Variants in MARCHF1 observed in about 807,000 individuals in gnomAD.
MARCHF1 encodes the protein membrane associated ring-CH-type finger 1, also known as E3 ubiquitin-protein ligase MARCHF1.
In MARCHF1, 40 loss-of-function variants were observed where a neutral mutation model predicts 54.2. The ratio of observed to expected loss-of-function variants is 0.74; its 90% CI spans 0.57 to 0.96. The LOEUF is 0.96. MARCHF1 is among the 40% of genes least tolerant of loss of function. The pLI is 0.00. For missense variants in MARCHF1, 586 were observed against 656.5 expected (o/e 0.89, Z 1.17); for synonymous variants, 236 against 236.3 (o/e 1.00, Z 0.01).
chr4:163,847,936 G>A (rs956136009), intron 4 of MARCHF1, among the ~76,000 whole-genome samples: 3 of 152,014 alleles, frequency 2.0e-5, no homozygotes, highest in African/African-American at 4.8e-5. Context: ...CTTATAATGC[G>A]TGTTGTGTAT....
At chr4:163,778,775 C>T (rs560635206) in intron 4 of MARCHF1, among the ~76,000 whole-genome samples, 27 of 152,190 alleles carry the variant, frequency 1.8e-4, no homozygotes, top group Non-Finnish European at 3.7e-4. Context: ...CATGTTCTCA[C>T]TTACAAGTGG....
chr4:164,198,525 C>T (rs1327791548), intron 1 of MARCHF1, among the ~76,000 whole-genome samples: 1 of 152,178 alleles, frequency 6.6e-6, no homozygotes, highest in East Asian at 1.9e-4. Context: ...AGTCCTATGT[C>T]CCACATTGAC....
chr4:164,233,691 A>G (rs572853964), intron 1 of MARCHF1, among the ~76,000 whole-genome samples: 175 of 151,968 alleles, frequency 1.2e-3, no homozygotes, highest in African/African-American at 4.1e-3. Context: ...AAGATGGCCC[A>G]TTTTTTCTGC....
At chr4:164,105,805 A>C (rs936358141) in intron 2 of MARCHF1, among the ~76,000 whole-genome samples, 1 of 136,514 alleles carries the variant, frequency 7.3e-6, no homozygotes, top group Admixed American at 7.3e-5. Context: ...CAGCAAAAGA[A>C]ACTACCATCA....
At chr4:164,189,081 C>T in intron 1 of MARCHF1, 1 of 688,810 alleles carries the variant, frequency 1.5e-6, no homozygotes, top group South Asian at 1.6e-5. Context: ...CGTCTCCTCT[C>T]ACCATTGACA....
At chr4:164,147,882 C>T (rs1729806442) in intron 1 of MARCHF1, among the ~76,000 whole-genome samples, 1 of 150,364 alleles carries the variant, frequency 6.7e-6, no homozygotes, top group Non-Finnish European at 1.5e-5. Flanking sequence ...AAAAAAATTA[C>T]ATATGTTATT....
chr4:164,136,233 A>G (rs1756399207), intron 1 of MARCHF1, among the ~76,000 whole-genome samples: 1 of 146,784 alleles, frequency 6.8e-6, no homozygotes, highest in Non-Finnish European at 1.5e-5. Context: ...GTAGGAGTCT[A>G]GGAGTCCAAT....
At chr4:163,680,944 A>T (rs1744081763) in intron 5 of MARCHF1, among the ~76,000 whole-genome samples, 1 of 151,398 alleles carries the variant, frequency 6.6e-6, no homozygotes, top group African/African-American at 2.4e-5. Flanking sequence ...TAATACATAC[A>T]TACATACACA....
intron 1 of MARCHF1, among the ~76,000 whole-genome samples, chr4:164,197,910 A>C (rs567198078): frequency 1.8e-4 from 27 of 152,264 alleles, no homozygotes; most frequent in Non-Finnish European, 3.7e-4. Flanking sequence ...AAGTATATGG[A>C]TCTTCCTAGT....
intron 1 of MARCHF1, among the ~76,000 whole-genome samples, chr4:164,276,934 C>CTATATA (rs373542049): frequency 0.023 from 2,681 of 115,122 alleles, 91 homozygotes; most frequent in African/African-American, 0.071. Flanking sequence ...GTCTCATATT[C>CTATATA]TATATATATA....
intron 1 of MARCHF1, among the ~76,000 whole-genome samples, chr4:164,255,997 G>GA (rs1044469461): frequency 6.6e-6 from 1 of 151,684 alleles, no homozygotes; most frequent in African/African-American, 2.4e-5. Context: ...ACATTCACAA[G>GA]AAAAAAATGT....
At chr4:163,848,894 A>T (rs1749566428) in intron 4 of MARCHF1, among the ~76,000 whole-genome samples, 1 of 152,210 alleles carries the variant, frequency 6.6e-6, no homozygotes, top group African/African-American at 2.4e-5. Flanking sequence ...CTTTTCAATC[A>T]GGTCAGTTAT....
intron 3 of MARCHF1, among the ~76,000 whole-genome samples, chr4:163,929,941 T>TTATATTATATATATATTATA (rs1348947437): frequency 2.8e-4 from 4 of 14,260 alleles, no homozygotes; most frequent in Non-Finnish European, 7.7e-4. Flanking sequence ...TATTATATAT[T>TTATATTATATATATATTATA]TATATTATAT....
chr4:164,210,279 G>T (rs1250048483), intron 1 of MARCHF1, among the ~76,000 whole-genome samples: 4 of 152,138 alleles, frequency 2.6e-5, no homozygotes, highest in Non-Finnish European at 5.9e-5. Flanking sequence ...GCTTAAAGCT[G>T]AAGAACATTT....
chr4:163,908,176 A>T (rs1463546406), intron 3 of MARCHF1, among the ~76,000 whole-genome samples: 1 of 152,172 alleles, frequency 6.6e-6, no homozygotes, highest in Non-Finnish European at 1.5e-5. Flanking sequence ...ATCCACACAA[A>T]AGATTTTAAT....
At chr4:164,103,930 G>C (rs1020921910) in intron 2 of MARCHF1, among the ~76,000 whole-genome samples, 18 of 149,910 alleles carry the variant, frequency 1.2e-4, no homozygotes, top group African/African-American at 4.0e-4. Context: ...TGATAAAGGG[G>C]ATATCACCAC....
At chr4:163,913,994 CTT>C (rs5863638) in intron 3 of MARCHF1, among the ~76,000 whole-genome samples, 2 of 151,960 alleles carry the variant, frequency 1.3e-5, no homozygotes, top group East Asian at 3.9e-4. Flanking sequence ...GATCTCTATT[CTT>C]TTTTTTTTTT....
intron 5 of MARCHF1, among the ~76,000 whole-genome samples, chr4:163,666,847 A>T (rs561772041): frequency 6.6e-6 from 1 of 152,280 alleles, no homozygotes; most frequent in South Asian, 2.1e-4. Context: ...GGTAAATAGA[A>T]ATGACACTAA....
At chr4:163,791,125 T>G (rs72995260) in intron 4 of MARCHF1, among the ~76,000 whole-genome samples, 43 of 152,210 alleles carry the variant, frequency 2.8e-4, no homozygotes, top group African/African-American at 1.0e-3. Context: ...AATTTTACGG[T>G]AGGAGAACAT....
Sources: gnomAD v4.1 joint callset for allele counts (sites outside exome capture counted in the v4.1 genomes callset) on GRCh38, gnomAD v4.1.1 for gene constraint, MANE v1.5 for transcripts, NCBI Gene and HGNC (gene_info 2026-07-23, HGNC 2026-07-21) for gene names.